Variants in ACAP2 observed in about 807,000 individuals in gnomAD.
The protein encoded by ACAP2 is ArfGAP with coiled-coil, ankyrin repeat and PH domains 2.
Under a neutral mutation model 115.8 loss-of-function variants are expected in ACAP2, and 39 were observed. The ratio of observed to expected loss-of-function variants is 0.34; its 90% CI spans 0.26 to 0.44. The LOEUF is 0.44. Among genes scored for constraint, ACAP2 ranks in the 20% least tolerant of loss-of-function variants. The probability of loss-of-function intolerance (pLI) is 1.00; values close to 1 mark genes in which losing one functional copy is unlikely to be tolerated. For missense variants in ACAP2, 662 were observed against 927.6 expected, an observed-to-expected ratio of 0.71 and a Z score of 3.72; for synonymous variants, 289 against 315.8, an observed-to-expected ratio of 0.92 and a Z score of 0.90.
intron 1 of ACAP2, among the ~76,000 whole-genome samples, chr3:195,439,523 A>G (rs13079866): frequency 0.086 from 13,142 of 152,156 alleles, 1,015 homozygotes; most frequent in East Asian, 0.39. Flanking sequence ...ATCTTTCATA[A>G]TTCAGAAAGA....
At position 195,300,375 on chromosome 3, in the gene ACAP2, A is replaced by G. The variant is rs182891096; in HGVS notation, c.1395+1200T>C. 6.4e-4 allele frequency among the ~76,000 whole-genome samples: 98 copies of G among 152,282 alleles called. 1 individual carries two copies. The highest frequency in any genetic ancestry group is 3.9e-3 in the South Asian group (19 of 4,826). ...ATTTCAGACAGAAACAAATGAGCAT[A>G]TACTCCAACCCTTAAACTCATCTAT... On this transcript the variant is annotated intron_variant, in intron 15 of 22. Transcript: ENST00000326793.
chr3:195,356,482 C>A (rs1731979435), intron 4 of ACAP2, among the ~76,000 whole-genome samples: 3 of 152,136 alleles, frequency 2.0e-5, no homozygotes, highest in Non-Finnish European at 4.4e-5. Context: ...GGTACATGAC[C>A]TAGTGAGACA....
In ACAP2 at chr3:195,292,419, T is replaced by G; in HGVS notation, c.1799A>C (p.Asp600Ala). The change falls in exon 19 of 23, where the codon GAC (aspartate) becomes GCC (alanine). Residue 600 changes from aspartate to alanine, a missense_variant. Transcript: ENST00000326793. ...GERQDSSMFL[D>A]SKHLNPGLQL... is the part of the protein sequence containing the mutation. ...AAGTCCTGGATTAAGATGTTTCGAG[T>G]CAAGAAACATAGAAGAATCTTGCCT... 6.2e-7 allele frequency: 1 copy of G among 1,610,300 alleles called. No homozygotes were observed. The highest frequency in any genetic ancestry group is 8.5e-7 in the Non-Finnish European group (1 of 1,179,060).
chr3:195,306,424 C>A (rs1160021870), intron 13 of ACAP2, 87 bp downstream of exon 13: 2 of 640,934 alleles, frequency 3.1e-6, no homozygotes, highest in Non-Finnish European at 5.1e-6. Flanking sequence ...CCATAACAAA[C>A]GATGCTACAT....
chr3:195,442,419 A>C, intron 1 of ACAP2: 4 of 319,852 alleles, frequency 1.3e-5, no homozygotes, highest in Non-Finnish European at 1.2e-5. Context: ...GGCGGAAGGA[A>C]GGGGGAAGGA....
In ACAP2 at chr3:195,429,176, T is replaced by C. The variant is rs539600448; in HGVS notation, c.53+13619A>G. Among the ~76,000 whole-genome samples, 87 of 151,986 alleles carry C rather than the reference T, an allele frequency of 5.7e-4. 1 individual carries two copies. The highest frequency in any genetic ancestry group is 2.0e-3 in the African/African-American group (83 of 41,438). ...GCTGAGGTGGGTGAATCACTTGAGG[T>C]CAGGAGTTCGAGACCAGCCTGGCCA... is the stretch of plus-strand genomic sequence containing the variant. On this transcript the variant is annotated intron_variant, in intron 1 of 22. Coordinates refer to ENST00000326793, the MANE Select transcript of ACAP2 (RefSeq NM_012287.6).
rs796748051 is a variant in ACAP2 at position 195,424,267 on chromosome 3, A to G, written c.53+18528T>C. On this transcript the variant is annotated intron_variant, in intron 1 of 22. Coordinates refer to ENST00000326793, the MANE Select transcript of ACAP2 (RefSeq NM_012287.6). ...GTGGTGTGTGTGTGTGTGTGTATAT[A>G]TATATATATATATATATTTTTTTTT... Among the ~76,000 whole-genome samples the G allele has an allele frequency of 6.2e-3, 284 of 45,658 alleles. 2 individuals are homozygous for G. The highest frequency in any genetic ancestry group is 0.05 in the Middle Eastern group (7 of 140). 30.0% of individuals were successfully genotyped at this position (45,658 alleles called of 152,430 possible).
At position 195,291,818 on chromosome 3, in the gene ACAP2, T is replaced by A; in HGVS notation, c.1954-3A>T. The stretch of plus-strand genomic sequence containing the variant: ...AACTCACACGTCACCAAAGAGCCCT[T>A]AAAGGAAAAAAGAGGATAACTATAG... On this transcript the variant is annotated splice_polypyrimidine_tract_variant and splice_region_variant and intron_variant, in intron 19 of 22. Coordinates refer to ENST00000326793, the MANE Select transcript of ACAP2 (RefSeq NM_012287.6). The A allele has an allele frequency of 1.2e-6, 2 of 1,601,922 alleles. No individual in the cohort carries two copies. Among genetic ancestry groups the A allele is most frequent in the Admixed American group, 1.8e-5 (1 of 56,542 alleles).
chr3:195,297,087 C>T, intron 16 of ACAP2, 103 bp downstream of exon 16: 2 of 972,344 alleles, frequency 2.1e-6, no homozygotes, highest in South Asian at 3.0e-5. Flanking sequence ...GTGGTAATGA[C>T]TGCTTCTAAA....
At chr3:195,404,905 C>G (rs1239588368) in intron 1 of ACAP2, among the ~76,000 whole-genome samples, 1 of 151,532 alleles carries the variant, frequency 6.6e-6, no homozygotes, top group African/African-American at 2.4e-5. Flanking sequence ...TCAAGCGATT[C>G]TCCTGCCTCA....
intron 4 of ACAP2, chr3:195,356,324 T>C (rs1577349904): frequency 2.7e-6 from 1 of 375,418 alleles, no homozygotes; most frequent in South Asian, 1.9e-5. Flanking sequence ...AGCCTGGAGG[T>C]TGGAACTGGA....
At chr3:195,429,117 G>C (rs979319411) in intron 1 of ACAP2, among the ~76,000 whole-genome samples, 1 of 152,188 alleles carries the variant, frequency 6.6e-6, no homozygotes, top group Non-Finnish European at 1.5e-5. Context: ...GCCAGGTGCA[G>C]TGGCTCACAC....
At chr3:195,350,838 C>T (rs755285240) in intron 4 of ACAP2, among the ~76,000 whole-genome samples, 42 of 151,628 alleles carry the variant, frequency 2.8e-4, no homozygotes, top group Non-Finnish European at 4.7e-4. Flanking sequence ...GAACTTCAAC[C>T]GTTACCACAG....
intron 10 of ACAP2, among the ~76,000 whole-genome samples, chr3:195,316,893 A>ATTTTTTT (rs60184290): frequency 1.9e-5 from 1 of 53,828 alleles, no homozygotes; most frequent in East Asian, 7.2e-4. Context: ...ATGTCAGTGA[A>ATTTTTTT]TTTTTTTTTT....
intron 22 of ACAP2, among the ~76,000 whole-genome samples, chr3:195,284,125 G>T (rs111508106): frequency 3.9e-5 from 6 of 152,244 alleles, no homozygotes; most frequent in African/African-American, 1.4e-4. Context: ...CTAATCAGCT[G>T]GGTGAACTTC....
At chr3:195,386,167 T>C (rs151120625) in intron 2 of ACAP2, among the ~76,000 whole-genome samples, 101 of 152,296 alleles carry the variant, frequency 6.6e-4, no homozygotes, top group African/African-American at 2.2e-3. Context: ...TTCCATTTAT[T>C]TGAAATGTTC....
intron 1 of ACAP2, among the ~76,000 whole-genome samples, chr3:195,430,701 T>C (rs1220078888): frequency 6.6e-6 from 1 of 151,138 alleles, no homozygotes; most frequent in Non-Finnish European, 1.5e-5. Flanking sequence ...GGTGACAGAG[T>C]GTGACCCTGT....
chr3:195,330,587 T>C (rs1371859498), intron 8 of ACAP2, among the ~76,000 whole-genome samples: 1 of 152,180 alleles, frequency 6.6e-6, no homozygotes, highest in African/African-American at 2.4e-5. Context: ...GGTCTCTCCT[T>C]ACCCCCAAGT....
intron 10 of ACAP2, among the ~76,000 whole-genome samples, chr3:195,314,198 TG>T (rs78957991): frequency 0.25 from 35,978 of 143,740 alleles, 4,497 homozygotes; most frequent in East Asian, 0.52. Context: ...AAAATTTTGT[TG>T]TTTTTTTTTT....
Sources: allele counts gnomAD v4.1 joint callset (sites outside exome capture counted in the v4.1 genomes callset), GRCh38; gene constraint gnomAD v4.1.1; transcripts MANE v1.5; gene names NCBI Gene and HGNC (gene_info 2026-07-23, HGNC 2026-07-21).